RAPH1: variants seen among roughly 807,000 people sequenced by gnomAD.
RAPH1 encodes Ras association (RalGDS/AF-6) and pleckstrin homology domains 1.
A neutral mutation model predicts 88.1 loss-of-function variants in RAPH1; 18 were observed. The ratio of observed to expected loss-of-function variants is 0.20; its 90% CI spans 0.14 to 0.30. The LOEUF is 0.30. Ranked by LOEUF, RAPH1 falls within the 10% of genes least tolerant of loss-of-function variation. The pLI is 1.00. For synonymous variants in RAPH1, 587 were observed against 559.0 expected, an observed-to-expected ratio of 1.05 and a Z score of -0.71; for missense variants, 1,448 against 1,543.2, an observed-to-expected ratio of 0.94 and a Z score of 1.03.
chr2:203,509,830 T>C (rs1344073186), intron 1 of RAPH1, among the ~76,000 whole-genome samples: 4 of 152,076 alleles, frequency 2.6e-5, no homozygotes, highest in Non-Finnish European at 5.9e-5. Context: ...TGAGTTCTTG[T>C]GAGATGTGGT....
At chr2:203,530,250 G>A (rs1690329079) in intron 1 of RAPH1, among the ~76,000 whole-genome samples, 1 of 152,146 alleles carries the variant, frequency 6.6e-6, no homozygotes. Flanking sequence ...AACTCATCCA[G>A]ATGAAATTTT....
intron 1 of RAPH1, among the ~76,000 whole-genome samples, chr2:203,511,482 G>A (rs530450602): frequency 6.4e-4 from 98 of 152,282 alleles, no homozygotes; most frequent in Non-Finnish European, 1.0e-3. Context: ...CAATAGCTGC[G>A]TTAATGACTC....
At chr2:203,487,357 G>C (rs2105813581) in intron 4 of RAPH1, among the ~76,000 whole-genome samples, 1 of 152,080 alleles carries the variant, frequency 6.6e-6, no homozygotes, top group Middle Eastern at 3.4e-3. Flanking sequence ...ATAATTCCCA[G>C]GTATCACAAA....
chr2:203,500,345 G>A (rs981882585), intron 1 of RAPH1, among the ~76,000 whole-genome samples: 4 of 152,172 alleles, frequency 2.6e-5, no homozygotes, highest in African/African-American at 4.8e-5. Flanking sequence ...GTATAAAGAC[G>A]TGAGAACAAC....
chr2:203,508,957 G>A (rs1156758808), intron 1 of RAPH1, among the ~76,000 whole-genome samples: 2 of 151,134 alleles, frequency 1.3e-5, no homozygotes, highest in South Asian at 2.1e-4. Context: ...TATTTGCCTT[G>A]CTTACTCAGT....
At chr2:203,459,766 T>G (rs1177346227) in intron 7 of RAPH1, 141 bp downstream of exon 7, 9 of 804,978 alleles carry the variant, frequency 1.1e-5, no homozygotes, top group Non-Finnish European at 1.6e-5. Context: ...GCAGCAGTAG[T>G]AGATGATGCT....
At chr2:203,486,678 A>T (rs764358001) in intron 4 of RAPH1, among the ~76,000 whole-genome samples, 1 of 152,240 alleles carries the variant, frequency 6.6e-6, no homozygotes, top group African/African-American at 2.4e-5. Flanking sequence ...CCATGCATGA[A>T]AAACTAAAAT....
At chr2:203,460,657 GA>G (rs74527711) in intron 6 of RAPH1, among the ~76,000 whole-genome samples, 81 of 137,198 alleles carry the variant, frequency 5.9e-4, no homozygotes, top group Middle Eastern at 3.7e-3. Flanking sequence ...GTTCTTATTT[GA>G]AAAAAAAAAA....
rs963814225 is a variant in RAPH1, at chr2:203,438,017, A to G, written c.*1420T>C. On this transcript the variant is annotated 3_prime_UTR_variant, in exon 14 of 14. Transcript: ENST00000319170. Reference sequence around the variant, plus strand: ...TCATGTACCAAGGAAAATTCACAGAAAAAAGCATATAGAAGTATAGTGTGT... The same window carrying G: ...TCATGTACCAAGGAAAATTCACAGAGAAAAGCATATAGAAGTATAGTGTGT... 2 of 377,076 alleles carry G rather than the reference A, an allele frequency of 5.3e-6. No homozygotes were observed. Among genetic ancestry groups the G allele is most frequent in the African/African-American group, 2.1e-5 (1 of 47,334 alleles). 23.4% of individuals were successfully genotyped at this position (377,076 alleles called of 1,614,324 possible). A position where few individuals can be genotyped will look rare whatever the true frequency, so the allele number is the denominator to read the frequency against.
At chr2:203,484,798 G>C (rs1304999309) in intron 4 of RAPH1, among the ~76,000 whole-genome samples, 1 of 152,216 alleles carries the variant, frequency 6.6e-6, no homozygotes, top group Non-Finnish European at 1.5e-5. Flanking sequence ...TCACCCACCA[G>C]CAGTGGTCTC....
At chr2:203,441,967 C>T (rs1188907863) in intron 13 of RAPH1, 3 of 1,484,088 alleles carry the variant, frequency 2.0e-6, no homozygotes, top group Non-Finnish European at 1.8e-6. Context: ...CACAGTCACA[C>T]AGGAATGAAT....
chr2:203,447,828 T>C (rs2098511331), intron 12 of RAPH1, 131 bp downstream of exon 12: 5 of 856,486 alleles, frequency 5.8e-6, no homozygotes, highest in African/African-American at 5.1e-5. Context: ...AGGCATCTAT[T>C]GATTATAATT....
rs1559433822 is a variant in RAPH1 at position 203,437,241 on chromosome 2, T to C, written c.*2196A>G. 6.6e-6 allele frequency: 1 copy of C among 152,192 alleles called. No individual in the cohort carries two copies. The highest frequency in any genetic ancestry group is 1.5e-5 in the Non-Finnish European group (1 of 68,036). 9.4% of individuals were successfully genotyped at this position (152,192 alleles called of 1,614,324 possible). A position where few individuals can be genotyped will look rare whatever the true frequency, so the allele number is the denominator to read the frequency against. On this transcript the variant is annotated 3_prime_UTR_variant, in exon 14 of 14. Coordinates refer to ENST00000319170, the MANE Select transcript of RAPH1 (RefSeq NM_213589.3). ...TGAAAAAAGGTTAGCGGGTACATTTTTTCCCCCTCAAGAAAAACTGAAGTG... is the reference window on the plus strand; with the variant it reads ...TGAAAAAAGGTTAGCGGGTACATTTCTTCCCCCTCAAGAAAAACTGAAGTG...
chr2:203,513,837 GAA>G (rs564098428), intron 1 of RAPH1, among the ~76,000 whole-genome samples: 22 of 118,080 alleles, frequency 1.9e-4, no homozygotes, highest in African/African-American at 6.2e-4. Flanking sequence ...TCAGTCTCAA[GAA>G]AAAAAAAAAA....
At position 203,439,149 on chromosome 2, in the gene RAPH1, C is replaced by T. The variant is rs944772244; in HGVS notation, c.*288G>A. The T allele has an allele frequency of 1.2e-4, 38 of 314,880 alleles. No individual in the cohort carries two copies. Among genetic ancestry groups the T allele is most frequent in the Non-Finnish European group, 2.0e-4 (34 of 168,836 alleles). The allele number at this position is 314,880 out of a possible 1,614,324, so 19.5% of individuals were successfully genotyped here. ...CACACATCCCCTTCTATGCCTCTTCCACCCAAAATACAGAACACCCATTTT... is the reference window on the plus strand; with the variant it reads ...CACACATCCCCTTCTATGCCTCTTCTACCCAAAATACAGAACACCCATTTT... On this transcript the variant is annotated 3_prime_UTR_variant, in exon 14 of 14. Transcript: ENST00000319170.
chr2:203,489,095 C>T (rs760991125), intron 4 of RAPH1, among the ~76,000 whole-genome samples: 20 of 151,182 alleles, frequency 1.3e-4, no homozygotes, highest in Non-Finnish European at 2.9e-4. Flanking sequence ...CACTGCACTC[C>T]AGCCTGGGCA....
In RAPH1 at chr2:203,475,191, A is replaced by G. The variant is rs550192435; in HGVS notation, c.733-13266T>C. 9.1e-4 allele frequency among the ~76,000 whole-genome samples: 139 copies of G among 152,304 alleles called. 2 individuals are homozygous for G. The highest frequency in any genetic ancestry group is 3.7e-3 in the South Asian group (18 of 4,822). Reference sequence around the variant, plus strand: ...GGGAGGCCGAGGCGGGAGGATCACAAGGTCAGGAGATCAATACCATCCTGG... The same window carrying G: ...GGGAGGCCGAGGCGGGAGGATCACAGGGTCAGGAGATCAATACCATCCTGG... On this transcript the variant is annotated intron_variant, in intron 4 of 13. Transcript: ENST00000319170.
In RAPH1 at chr2:203,461,937, A is replaced by G; in HGVS notation, c.733-12T>C. ...GCTGCCTGTTCTTCCTGTGAACACA[A>G]AGCATTTCAGATAAACAATGCTAAG... On this transcript the variant is annotated splice_polypyrimidine_tract_variant and intron_variant, in intron 4 of 13. Coordinates refer to ENST00000319170, the MANE Select transcript of RAPH1 (RefSeq NM_213589.3). The G allele has an allele frequency of 6.2e-7, 1 of 1,602,150 alleles. No homozygotes were observed. The highest frequency in any genetic ancestry group is 8.5e-7 in the Non-Finnish European group (1 of 1,173,414).
Position 203,535,220 on chromosome 2 carries a change from A to G in RAPH1, c.-110T>C, listed in dbSNP as rs1338055715. ...CAGGCGCGGCGCTCCCTCGCCAGAG[A>G]CGCAGCGACTGCCAGCAGCTCCCGC... On this transcript the variant is annotated 5_prime_UTR_variant, in exon 1 of 14. Transcript: ENST00000319170. The G allele has an allele frequency of 6.6e-6, 1 of 152,280 alleles. No individual in the cohort carries two copies. Among genetic ancestry groups the G allele is most frequent in the African/African-American group, 2.4e-5 (1 of 41,374 alleles). 9.4% of individuals were successfully genotyped at this position (152,280 alleles called of 1,614,324 possible).
Sources: allele counts gnomAD v4.1 joint callset (sites outside exome capture counted in the v4.1 genomes callset), GRCh38; gene constraint gnomAD v4.1.1; transcripts MANE v1.5; gene names NCBI Gene and HGNC (gene_info 2026-07-23, HGNC 2026-07-21).